The following PDGFRL variants were observed in gnomAD, a reference collection of about 807,000 sequenced individuals.
PDGFRL encodes the protein platelet-derived growth factor receptor-like protein.
A neutral mutation model predicts 37.2 loss-of-function variants in PDGFRL; 46 were observed. That is an observed-to-expected ratio of 1.24 (90% confidence interval 0.98 to 1.58). The LOEUF (loss-of-function observed/expected upper bound fraction) is 1.58, where lower values mean the gene tolerates loss of function less well. Among genes scored for constraint, PDGFRL ranks in the 40% most tolerant of loss-of-function variants. The pLI is 0.00. For synonymous variants in PDGFRL, 251 were observed against 184.3 expected, an observed-to-expected ratio of 1.36 and a Z score of -2.93; for missense variants, 692 against 467.6, an observed-to-expected ratio of 1.48 and a Z score of -4.43.
intron 2 of PDGFRL, among the ~76,000 whole-genome samples, chr8:17,595,587 AG>A (rs1274798046): frequency 6.6e-6 from 1 of 152,202 alleles, no homozygotes. Context: ...CAGGGCAGCC[AG>A]GGTCTCTGCG....
At chr8:17,639,027 C>G (rs4921789) in intron 5 of PDGFRL, among the ~76,000 whole-genome samples, 1 of 150,824 alleles carries the variant, frequency 6.6e-6, no homozygotes, top group South Asian at 2.1e-4. Flanking sequence ...CCAGTCTGGC[C>G]GACAGAGTGA....
intron 2 of PDGFRL, among the ~76,000 whole-genome samples, chr8:17,616,647 C>T (rs1804536165): frequency 1.3e-5 from 2 of 152,146 alleles, no homozygotes; most frequent in African/African-American, 4.8e-5. Context: ...TGTTGACATC[C>T]TTCCTTTGTA....
chr8:17,599,216 G>T (rs1466660471), intron 2 of PDGFRL, among the ~76,000 whole-genome samples: 3 of 152,192 alleles, frequency 2.0e-5, no homozygotes, highest in African/African-American at 7.2e-5. Context: ...TGAGCCATCA[G>T]ATCCTGGTGC....
At chr8:17,586,290 G>A (rs577200507) in intron 1 of PDGFRL, among the ~76,000 whole-genome samples, 2 of 152,224 alleles carry the variant, frequency 1.3e-5, no homozygotes, top group East Asian at 3.9e-4. Context: ...CTCACCGAGG[G>A]GATCCAGTGT....
At chr8:17,628,138 C>T (rs367659711) in intron 3 of PDGFRL, among the ~76,000 whole-genome samples, 67 of 151,054 alleles carry the variant, frequency 4.4e-4, no homozygotes, top group African/African-American at 1.6e-3. Context: ...GGACTACAGG[C>T]GCCCGCCACC....
At chr8:17,577,396 G>A in intron 1 of PDGFRL, 89 bp downstream of exon 1, 2 of 1,162,232 alleles carry the variant, frequency 1.7e-6, no homozygotes, top group Non-Finnish European at 2.5e-6. Flanking sequence ...CCAGCTCTTG[G>A]TCTAACGTTC....
intron 2 of PDGFRL, among the ~76,000 whole-genome samples, 170 bp downstream of exon 2, chr8:17,589,935 T>G (rs1462055742): frequency 1.3e-5 from 2 of 151,922 alleles, no homozygotes; most frequent in African/African-American, 4.8e-5. Context: ...CTTTACCCAG[T>G]TAATAACAAT....
chr8:17,619,462 G>A (rs2129757502), intron 2 of PDGFRL, among the ~76,000 whole-genome samples: 1 of 152,216 alleles, frequency 6.6e-6, no homozygotes, highest in East Asian at 1.9e-4. Context: ...AAAAGATAAG[G>A]AAGAAAAATA....
chr8:17,578,732 C>T (rs1447595725), intron 1 of PDGFRL, among the ~76,000 whole-genome samples: 1 of 152,134 alleles, frequency 6.6e-6, no homozygotes, highest in African/African-American at 2.4e-5. Flanking sequence ...TGGATCTCAC[C>T]CAGCCCATGT....
chr8:17,611,480 TGGTC>T (rs898816669), intron 2 of PDGFRL, among the ~76,000 whole-genome samples: 2 of 152,166 alleles, frequency 1.3e-5, no homozygotes, highest in Non-Finnish European at 2.9e-5. Context: ...CCACTGGACA[TGGTC>T]GGCCTCCTTG....
chr8:17,583,851 C>T (rs1347732481), intron 1 of PDGFRL, among the ~76,000 whole-genome samples: 1 of 152,160 alleles, frequency 6.6e-6, no homozygotes, highest in Non-Finnish European at 1.5e-5. Context: ...TTCTCCTTCA[C>T]CTGTGCCACC....
rs542375613 is a variant in PDGFRL, at chr8:17,629,452, C to G, written c.799+672C>G. 2.4e-4 allele frequency among the ~76,000 whole-genome samples: 37 copies of G among 152,254 alleles called. 1 individual carries two copies. In the South Asian group the frequency reaches 7.7e-3, roughly 32 times the overall value. Reference sequence around the variant, plus strand: ...CTTGGTCTAAACCCAAATCTGCTGTCTCCTAAGGACATCATTCATTCCCAC... The same window carrying G: ...CTTGGTCTAAACCCAAATCTGCTGTGTCCTAAGGACATCATTCATTCCCAC... On this transcript the variant is annotated intron_variant, in intron 4 of 5. Transcript: ENST00000251630.
chr8:17,577,167 A>AGCCCGCCCCTC (rs1803601987), upstream of PDGFRL: 1 of 1,535,538 alleles, frequency 6.5e-7, no homozygotes, highest in East Asian at 2.4e-5. Context: ...GCGTCCCAGG[A>AGCCCGCCCCTC]GCCCGCCCCT....
At chr8:17,634,495 A>T (rs1290287403) in intron 5 of PDGFRL, among the ~76,000 whole-genome samples, 2 of 150,262 alleles carry the variant, frequency 1.3e-5, no homozygotes, top group Non-Finnish European at 3.0e-5. Context: ...TTTTTTTTTT[A>T]AACCCTTAAG....
At chr8:17,598,021 A>T (rs17505113) in intron 2 of PDGFRL, among the ~76,000 whole-genome samples, 2 of 152,140 alleles carry the variant, frequency 1.3e-5, no homozygotes, top group African/African-American at 4.8e-5. Flanking sequence ...AGTTTTTACT[A>T]TCATAAATAG....
intron 2 of PDGFRL, among the ~76,000 whole-genome samples, chr8:17,591,563 T>C (rs186731929): frequency 6.6e-6 from 1 of 152,310 alleles, no homozygotes; most frequent in East Asian, 1.9e-4. Flanking sequence ...AGAAATAGGA[T>C]GGACTTACAA....
intron 2 of PDGFRL, chr8:17,596,403 C>A: frequency 2.5e-6 from 2 of 809,852 alleles, no homozygotes; most frequent in Non-Finnish European, 3.3e-6. Context: ...TTTTAAACGA[C>A]CTTATTCACC....
chr8:17,627,751 C>T (rs1404113424), intron 3 of PDGFRL, among the ~76,000 whole-genome samples: 1 of 151,942 alleles, frequency 6.6e-6, no homozygotes, highest in Non-Finnish European at 1.5e-5. Context: ...GCTAGGATTA[C>T]AGGCATGAGC....
intron 1 of PDGFRL, among the ~76,000 whole-genome samples, chr8:17,581,516 T>TGTG (rs1585295206): frequency 6.6e-6 from 1 of 152,032 alleles, no homozygotes. Flanking sequence ...TGATCCCCCA[T>TGTG]GTGGTGGTGG....
Sources: allele counts gnomAD v4.1 joint callset (sites outside exome capture counted in the v4.1 genomes callset), GRCh38; gene constraint gnomAD v4.1.1; transcripts MANE v1.5; gene names NCBI Gene and HGNC (gene_info 2026-07-23, HGNC 2026-07-21).